Variants in PSD3 observed in about 807,000 individuals in gnomAD.
PSD3 encodes the protein PH and SEC7 domain-containing protein 3.
A neutral mutation model predicts 105.5 loss-of-function variants in PSD3; 49 were observed. That is an observed-to-expected ratio of 0.46 (90% confidence interval 0.37 to 0.59). PSD3 has a LOEUF of 0.59. Ranked by LOEUF, PSD3 falls within the 20% of genes least tolerant of loss-of-function variation. The pLI is 0.00. For missense variants in PSD3, 1,561 were observed against 1,263.8 expected, an observed-to-expected ratio of 1.24 and a Z score of -3.57; for synonymous variants, 557 against 457.8, an observed-to-expected ratio of 1.22 and a Z score of -2.77.
intron 9 of PSD3, chr8:18,734,220 ATTACTTT>A (rs1319063921): frequency 2.6e-5 from 4 of 152,196 alleles, no homozygotes; most frequent in Admixed American, 6.5e-5. Context: ...CCTTTGGAAA[ATTACTTT>A]TTGTTTCAAA....
At chr8:18,605,813 T>G (rs1356720448) in intron 11 of PSD3, among the ~76,000 whole-genome samples, 1 of 152,130 alleles carries the variant, frequency 6.6e-6, no homozygotes, top group Non-Finnish European at 1.5e-5. Context: ...ATCTGGTTGT[T>G]TAAAAGTGTG....
chr8:18,700,463 C>A (rs547806708), intron 9 of PSD3, among the ~76,000 whole-genome samples: 1 of 152,178 alleles, frequency 6.6e-6, no homozygotes, highest in Non-Finnish European at 1.5e-5. Flanking sequence ...TGTGAACACT[C>A]GTGAGAGGCT....
chr8:18,641,843 A>G (rs1003688249), intron 10 of PSD3, among the ~76,000 whole-genome samples: 2 of 152,140 alleles, frequency 1.3e-5, no homozygotes, highest in African/African-American at 4.8e-5. Context: ...GGTTTCTATT[A>G]TACCACATCA....
intron 1 of PSD3, among the ~76,000 whole-genome samples, chr8:18,969,466 G>A (rs902617974): frequency 6.6e-6 from 1 of 152,190 alleles, no homozygotes; most frequent in Non-Finnish European, 1.5e-5. Flanking sequence ...AGGGGACTCT[G>A]TAATGACAGA....
At chr8:18,687,992 C>T (rs776528623) in intron 9 of PSD3, among the ~76,000 whole-genome samples, 3 of 152,166 alleles carry the variant, frequency 2.0e-5, no homozygotes, top group Non-Finnish European at 2.9e-5. Context: ...TGGTCTTGAA[C>T]TCCTAACCTC....
chr8:18,795,234 G>C (rs17467874), intron 8 of PSD3, among the ~76,000 whole-genome samples: 53,424 of 151,894 alleles, frequency 0.35, 9,661 homozygotes, highest in African/African-American at 0.4. Flanking sequence ...TAGTAAGGTC[G>C]TGCCTGATCA....
chr8:18,998,440 C>G (rs1586603371), intron 1 of PSD3, among the ~76,000 whole-genome samples: 1 of 151,920 alleles, frequency 6.6e-6, no homozygotes, highest in African/African-American at 2.4e-5. Flanking sequence ...GTAATCCCAG[C>G]ACTTTGGGAG....
chr8:18,792,972 T>C (rs1248513606), intron 8 of PSD3, among the ~76,000 whole-genome samples: 1 of 152,190 alleles, frequency 6.6e-6, no homozygotes, highest in Non-Finnish European at 1.5e-5. Context: ...GTGGCACATA[T>C]ACACCATGGA....
chr8:18,788,230 T>C (rs991277302), intron 8 of PSD3, among the ~76,000 whole-genome samples: 2 of 152,158 alleles, frequency 1.3e-5, no homozygotes, highest in African/African-American at 4.8e-5. Flanking sequence ...GGTTTTCGCT[T>C]TGTTAAAATA....
intron 1 of PSD3, among the ~76,000 whole-genome samples, chr8:18,977,490 A>G (rs951317714): frequency 6.6e-6 from 1 of 152,154 alleles, no homozygotes; most frequent in Non-Finnish European, 1.5e-5. Context: ...TTGCTTTATT[A>G]CTAATCATTT....
chr8:18,723,549 A>C (rs966142362), intron 9 of PSD3, among the ~76,000 whole-genome samples: 2 of 152,216 alleles, frequency 1.3e-5, no homozygotes, highest in African/African-American at 4.8e-5. Flanking sequence ...ACAAAAAGAC[A>C]TATGACAGAG....
intron 9 of PSD3, chr8:18,683,649 G>C: frequency 1.6e-6 from 1 of 633,822 alleles, no homozygotes; most frequent in Non-Finnish European, 2.9e-6. Flanking sequence ...GATTCTCTTA[G>C]AACCATTTTA....
At chr8:19,018,524 A>C (rs1827248615), upstream of PSD3, among the ~76,000 whole-genome samples, 1 of 152,220 alleles carries the variant, frequency 6.6e-6, no homozygotes, top group Non-Finnish European at 1.5e-5. Context: ...ATTTTGAATC[A>C]AGAGAAATGT....
chr8:18,949,220 T>A (rs1479810263), intron 1 of PSD3, among the ~76,000 whole-genome samples: 1 of 5,158 alleles, frequency 1.9e-4, no homozygotes, highest in African/African-American at 9.7e-4. Context: ...AGACTCTGTC[T>A]CAAAAAAAAA....
intron 1 of PSD3, among the ~76,000 whole-genome samples, chr8:19,024,843 G>A (rs757482314): frequency 2.0e-5 from 3 of 152,116 alleles, no homozygotes; most frequent in Non-Finnish European, 4.4e-5. Flanking sequence ...AGCATCCCCA[G>A]TCCCCTGTCC....
intron 9 of PSD3, chr8:18,762,883 C>T: frequency 8.2e-7 from 1 of 1,224,768 alleles, no homozygotes; most frequent in South Asian, 1.4e-5. Context: ...AACAAAAAAA[C>T]AGAATTTGGC....
chr8:18,782,559 G>A (rs1375892890), intron 8 of PSD3, among the ~76,000 whole-genome samples: 1 of 152,162 alleles, frequency 6.6e-6, no homozygotes, highest in Non-Finnish European at 1.5e-5. Context: ...CAACAGTGAT[G>A]GCAACTCTGG....
intron 1 of PSD3, among the ~76,000 whole-genome samples, chr8:19,065,455 C>T (rs969343689): frequency 6.6e-6 from 1 of 152,158 alleles, no homozygotes; most frequent in East Asian, 1.9e-4. Flanking sequence ...CCCTGACCCT[C>T]GTCACAAGAC....
intron 12 of PSD3, among the ~76,000 whole-genome samples, chr8:18,595,986 G>A (rs1419385877): frequency 2.0e-5 from 3 of 151,940 alleles, no homozygotes; most frequent in Non-Finnish European, 4.4e-5. Context: ...CATTCTCTGG[G>A]ATAGATAAAA....
Sources: allele counts gnomAD v4.1 joint callset (sites outside exome capture counted in the v4.1 genomes callset), GRCh38; gene constraint gnomAD v4.1.1; transcripts MANE v1.5; gene names NCBI Gene and HGNC (gene_info 2026-07-23, HGNC 2026-07-21).